KCNK9: variants seen among roughly 807,000 people sequenced by gnomAD.
The protein encoded by KCNK9 is potassium two pore domain channel subfamily K member 9.
A neutral mutation model predicts 10.8 loss-of-function variants in KCNK9; 1 was observed. The ratio of observed to expected loss-of-function variants is 0.09; its 90% CI spans 0.03 to 0.44. The LOEUF (loss-of-function observed/expected upper bound fraction) is 0.44. KCNK9 is among the 20% of genes least tolerant of loss of function. The pLI, the probability that KCNK9 is intolerant of heterozygous loss-of-function variation, is 0.97. For missense variants in KCNK9, 303 were observed against 515.0 expected (o/e 0.59, Z 3.98); for synonymous variants, 231 against 222.7 (o/e 1.04, Z -0.33).
chr8:139,676,270 A>G (rs1274288482), intron 1 of KCNK9, among the ~76,000 whole-genome samples: 1 of 152,204 alleles, frequency 6.6e-6, no homozygotes, highest in Non-Finnish European at 1.5e-5. Flanking sequence ...TTCTCCCAAC[A>G]ATGAAGTGTC....
At chr8:139,654,546 G>C (rs912530471) in intron 1 of KCNK9, among the ~76,000 whole-genome samples, 4 of 152,212 alleles carry the variant, frequency 2.6e-5, no homozygotes, top group Non-Finnish European at 5.9e-5. Context: ...AAAGCCCCCT[G>C]CCAGGCTCTT....
intron 1 of KCNK9, among the ~76,000 whole-genome samples, chr8:139,634,374 T>A (rs927259074): frequency 1.3e-5 from 2 of 152,110 alleles, no homozygotes; most frequent in African/African-American, 4.8e-5. Flanking sequence ...CACCTGTGGG[T>A]GGGCCATGGT....
Position 139,617,154 on chromosome 8 carries a change from AT to A in KCNK9, c.*1103del, listed in dbSNP as rs1221104582. 2.6e-5 allele frequency: 4 copies of A among 152,224 alleles called. No individual in the cohort carries two copies. The highest frequency in any genetic ancestry group is 9.6e-5 in the African/African-American group (4 of 41,462). The allele number at this position is 152,224 out of a possible 1,614,324, so 9.4% of individuals were successfully genotyped here. A position where few individuals can be genotyped will look rare whatever the true frequency, so the allele number is the denominator to read the frequency against. ...AATAGATATGTATTTTTAATGAGGA[AT>A]GCCCTGTCAATTTTCATGAGGAAAA... On this transcript the variant is annotated 3_prime_UTR_variant, in exon 2 of 2. Transcript: ENST00000520439.
intron 1 of KCNK9, among the ~76,000 whole-genome samples, chr8:139,659,350 G>A: frequency 6.6e-6 from 1 of 152,156 alleles, no homozygotes; most frequent in East Asian, 1.9e-4. Flanking sequence ...GAGGGTTCAG[G>A]CTGAGTTTCC....
intron 2 of KCNK9, among the ~76,000 whole-genome samples, chr8:139,606,077 T>C (rs1563709186): frequency 6.6e-6 from 1 of 152,160 alleles, no homozygotes; most frequent in Non-Finnish European, 1.5e-5. Context: ...TTTTGCCAAG[T>C]CTGATACAGC....
Position 139,617,370 on chromosome 8 carries a change from A to T in KCNK9, c.*888T>A, listed in dbSNP as rs898206774. On this transcript the variant is annotated 3_prime_UTR_variant, in exon 2 of 2. Coordinates refer to ENST00000520439, the MANE Select transcript of KCNK9 (RefSeq NM_001282534.2). ...TAAATTGTTGGAACTGGAGGTGACA[A>T]AATTAAAAATGTCTTTTATAAGTTA... 6.6e-6 allele frequency among the ~76,000 whole-genome samples: 1 copy of T among 152,216 alleles called. No homozygotes were observed. The highest frequency in any genetic ancestry group is 2.4e-5 in the African/African-American group (1 of 41,450).
In KCNK9 at chr8:139,702,577, C is replaced by A; in HGVS notation, c.283+133G>T. 1 of 895,196 alleles carries A rather than the reference C, an allele frequency of 1.1e-6. No homozygotes were observed. The highest frequency in any genetic ancestry group is 2.7e-5 in the East Asian group (1 of 36,966). The allele number at this position is 895,196 out of a possible 1,614,324, so 55.5% of individuals were successfully genotyped here. A position where few individuals can be genotyped will look rare whatever the true frequency, so the allele number is the denominator to read the frequency against. ...GGGGGGCTCCCTAGAGAGGAGGGGG[C>A]GCTGCGGGAAGGCCCCCAAGGGAGG... On this transcript the variant is annotated intron_variant, in intron 1 of 1. Coordinates refer to ENST00000520439, the MANE Select transcript of KCNK9 (RefSeq NM_001282534.2). The surrounding 1 kb of genome is among the most constrained non-coding windows in gnomAD (Gnocchi z 7.5).
At chr8:139,652,853 G>A (rs759922248) in intron 1 of KCNK9, among the ~76,000 whole-genome samples, 7 of 152,182 alleles carry the variant, frequency 4.6e-5, no homozygotes, top group Non-Finnish European at 7.3e-5. Context: ...CTCAGCCCCT[G>A]AACCTGCAGG....
chr8:139,623,498 C>T (rs529431364), intron 1 of KCNK9, among the ~76,000 whole-genome samples: 46 of 152,224 alleles, frequency 3.0e-4, no homozygotes, highest in Non-Finnish European at 4.3e-4. Context: ...CGAGCAGGTG[C>T]GGATAGAGGC....
chr8:139,659,568 A>G (rs1816100558), intron 1 of KCNK9, among the ~76,000 whole-genome samples: 1 of 151,974 alleles, frequency 6.6e-6, no homozygotes, highest in African/African-American at 2.4e-5. Flanking sequence ...CTGGAGTGCA[A>G]TGGCACAATC....
chr8:139,614,469 A>C (rs1008333095), downstream of KCNK9, among the ~76,000 whole-genome samples: 17 of 152,174 alleles, frequency 1.1e-4, no homozygotes, highest in African/African-American at 3.6e-4. Context: ...TCCCCTCCCA[A>C]TCAGCCATGC....
chr8:139,657,274 CT>C (rs1293434291), intron 1 of KCNK9, among the ~76,000 whole-genome samples: 1 of 152,210 alleles, frequency 6.6e-6, no homozygotes, highest in Admixed American at 6.5e-5. Context: ...AGCTTAACTT[CT>C]CATGGGTCTG....
chr8:139,664,437 T>C (rs1443565212), intron 1 of KCNK9, among the ~76,000 whole-genome samples: 9 of 142,648 alleles, frequency 6.3e-5, no homozygotes, highest in African/African-American at 2.4e-4. Context: ...CCTCTAGGCC[T>C]TAACATATCA....
At chr8:139,625,142 G>A (rs1057376574) in intron 1 of KCNK9, among the ~76,000 whole-genome samples, 4 of 148,074 alleles carry the variant, frequency 2.7e-5, no homozygotes, top group South Asian at 2.1e-4. Context: ...TCAGGCTGGC[G>A]TGCAGCCCTT....
intron 1 of KCNK9, among the ~76,000 whole-genome samples, chr8:139,679,202 C>A (rs958320231): frequency 6.6e-6 from 1 of 152,232 alleles, no homozygotes; most frequent in Non-Finnish European, 1.5e-5. Flanking sequence ...CCAATGACAG[C>A]CTATGGAAGT....
intron 1 of KCNK9, among the ~76,000 whole-genome samples, chr8:139,620,894 T>C (rs1356934060): frequency 2.0e-5 from 3 of 152,036 alleles, no homozygotes; most frequent in Admixed American, 6.5e-5. Flanking sequence ...ATAAAGAAGA[T>C]TGAAAATAAA....
At chr8:139,638,405 A>C (rs1363744647) in intron 1 of KCNK9, among the ~76,000 whole-genome samples, 1 of 152,188 alleles carries the variant, frequency 6.6e-6, no homozygotes, top group Non-Finnish European at 1.5e-5. Flanking sequence ...GACTATATGA[A>C]TGAACAGGAG....
At chr8:139,620,406 G>A (rs749320064) in intron 1 of KCNK9, among the ~76,000 whole-genome samples, 11 of 152,126 alleles carry the variant, frequency 7.2e-5, no homozygotes, top group Non-Finnish European at 1.2e-4. Context: ...TCTGTTACAT[G>A]GCATAATTGT....
At chr8:139,601,448 G>A (rs1377055459) in exon 3 of KCNK9, 3 of 152,168 alleles carry the variant, frequency 2.0e-5, no homozygotes, top group East Asian at 1.9e-4. Flanking sequence ...TTTGAAAAGC[G>A]AGATCTGGAT....
Sources: allele counts gnomAD v4.1 joint callset (sites outside exome capture counted in the v4.1 genomes callset), GRCh38; gene constraint gnomAD v4.1.1; non-coding constraint Gnocchi (gnomAD v3.1); transcripts MANE v1.5; gene names NCBI Gene and HGNC (gene_info 2026-07-23, HGNC 2026-07-21).